Variants in CDH4 observed in about 807,000 individuals in gnomAD.
The protein encoded by CDH4 is cadherin-4.
Under a neutral mutation model 86.0 loss-of-function variants are expected in CDH4, and 33 were observed. The ratio of observed to expected loss-of-function variants is 0.38; its 90% CI spans 0.29 to 0.51. The LOEUF (loss-of-function observed/expected upper bound fraction) is 0.51, where lower values mean the gene tolerates loss of function less well. Among genes scored for constraint, CDH4 ranks in the 20% least tolerant of loss-of-function variants. CDH4 has a pLI of 0.86. For synonymous variants in CDH4, 555 were observed against 549.4 expected (o/e 1.01, Z -0.14); for missense variants, 1,114 against 1,307.4 (o/e 0.85, Z 2.28).
Position 61,518,790 on chromosome 20 carries a change from T to G in CDH4, c.170-224773T>G, listed in dbSNP as rs979224962. On this transcript the variant is annotated intron_variant, in intron 2 of 15. Transcript: ENST00000614565. This position sits in a 1 kb window ranked among gnomAD's most constrained non-coding sequence, Gnocchi z 6.3. ...CCATCATCCATCCTTTCATCCATCATTCATTCATCCATCCACCCATCATCC... is the reference window on the plus strand; with the variant it reads ...CCATCATCCATCCTTTCATCCATCAGTCATTCATCCATCCACCCATCATCC... Among the ~76,000 whole-genome samples, 3 of 151,620 alleles carry G rather than the reference T, an allele frequency of 2.0e-5. No homozygotes were observed. The highest frequency in any genetic ancestry group is 2.0e-4 in the Admixed American group (3 of 15,244).
At chr20:61,504,217 A>G (rs1402474495) in intron 2 of CDH4, among the ~76,000 whole-genome samples, 2 of 152,224 alleles carry the variant, frequency 1.3e-5, no homozygotes, top group Non-Finnish European at 2.9e-5. Flanking sequence ...GGCCGGCCAC[A>G]CACTGGGGCG....
chr20:61,758,457 G>A (rs1017690322), intron 3 of CDH4, among the ~76,000 whole-genome samples: 2 of 152,182 alleles, frequency 1.3e-5, no homozygotes, highest in Non-Finnish European at 2.9e-5. Flanking sequence ...CTGTCCTGAC[G>A]CAATCGGAGG....
chr20:61,536,362 G>T (rs2085997052), intron 2 of CDH4, among the ~76,000 whole-genome samples: 1 of 152,166 alleles, frequency 6.6e-6, no homozygotes, highest in South Asian at 2.1e-4. Context: ...GTGGTGGAAA[G>T]GAAGAGGCCG....
At chr20:61,487,814 G>A (rs1250123836) in intron 2 of CDH4, among the ~76,000 whole-genome samples, 4 of 152,210 alleles carry the variant, frequency 2.6e-5, no homozygotes, top group Non-Finnish European at 5.9e-5. Flanking sequence ...AGTCTGCTTC[G>A]TAATTGAAGT....
intron 6 of CDH4, among the ~76,000 whole-genome samples, chr20:61,872,215 C>T (rs1004860113): frequency 6.6e-6 from 1 of 152,182 alleles, no homozygotes; most frequent in Non-Finnish European, 1.5e-5. Flanking sequence ...ACAGCATGGA[C>T]CCAGCCCCGC....
chr20:61,589,858 C>T (rs1395025553), intron 2 of CDH4, among the ~76,000 whole-genome samples: 1 of 151,710 alleles, frequency 6.6e-6, no homozygotes, highest in African/African-American at 2.4e-5. Flanking sequence ...AGGTTCAGCC[C>T]CAGGGAGCTC....
intron 4 of CDH4, among the ~76,000 whole-genome samples, chr20:61,825,561 A>G (rs1445058564): frequency 1.3e-5 from 2 of 152,124 alleles, no homozygotes; most frequent in Admixed American, 6.5e-5. Context: ...GTTAATACTC[A>G]CCCAAACTTT....
chr20:61,524,208 A>G (rs903315142), intron 2 of CDH4, among the ~76,000 whole-genome samples: 10 of 152,154 alleles, frequency 6.6e-5, no homozygotes, highest in Non-Finnish European at 4.4e-5. Flanking sequence ...TTGCTATGGA[A>G]AGGTCCTGTT....
At chr20:61,616,229 T>C (rs1157840569) in intron 2 of CDH4, among the ~76,000 whole-genome samples, 1 of 152,198 alleles carries the variant, frequency 6.6e-6, no homozygotes, top group East Asian at 1.9e-4. Context: ...GGAGGTCCCA[T>C]TTGCAGGTTC....
intron 2 of CDH4, among the ~76,000 whole-genome samples, chr20:61,387,770 T>G (rs1277192708): frequency 6.6e-6 from 1 of 152,118 alleles, no homozygotes; most frequent in Non-Finnish European, 1.5e-5. Flanking sequence ...CACTCCACGG[T>G]GAAGCTTTTC....
chr20:61,662,197 C>T (rs1035260534), intron 2 of CDH4, among the ~76,000 whole-genome samples: 1 of 152,114 alleles, frequency 6.6e-6, no homozygotes, highest in African/African-American at 2.4e-5. Flanking sequence ...GTAGACCATG[C>T]TTTGAGGGAA....
chr20:61,769,676 G>A (rs2088751021), intron 3 of CDH4, among the ~76,000 whole-genome samples: 1 of 152,148 alleles, frequency 6.6e-6, no homozygotes, highest in Admixed American at 6.5e-5. Flanking sequence ...TGGGAATGAT[G>A]GTGCTCCCCG....
At chr20:61,318,635 A>C (rs561926536) in intron 2 of CDH4, among the ~76,000 whole-genome samples, 1 of 152,228 alleles carries the variant, frequency 6.6e-6, no homozygotes, top group Non-Finnish European at 1.5e-5. Flanking sequence ...GCCTGGAATC[A>C]GTGATACTCA....
chr20:61,751,395 A>G (rs2088493567), intron 3 of CDH4, among the ~76,000 whole-genome samples: 2 of 152,238 alleles, frequency 1.3e-5, no homozygotes, highest in South Asian at 4.1e-4. Context: ...GTCATTTTGA[A>G]GCAAAGATGA....
chr20:61,899,699 T>C (rs559529512), intron 8 of CDH4, among the ~76,000 whole-genome samples: 3 of 152,250 alleles, frequency 2.0e-5, no homozygotes, highest in East Asian at 1.9e-4. Flanking sequence ...ACTGCTGGGA[T>C]TACAGGTGTG....
intron 7 of CDH4, among the ~76,000 whole-genome samples, chr20:61,881,984 G>A (rs1032294800): frequency 2.6e-5 from 4 of 152,242 alleles, no homozygotes; most frequent in African/African-American, 7.2e-5. Context: ...GAGACCAGAC[G>A]ATAAGGCTAC....
At chr20:61,670,732 G>A (rs2145844738) in intron 2 of CDH4, among the ~76,000 whole-genome samples, 1 of 152,350 alleles carries the variant, frequency 6.6e-6, no homozygotes, top group South Asian at 2.1e-4. Context: ...ATTCTTATGG[G>A]TGGGGCCCAG....
At chr20:61,823,759 C>A (rs192918305) in intron 4 of CDH4, among the ~76,000 whole-genome samples, 4 of 152,276 alleles carry the variant, frequency 2.6e-5, no homozygotes, top group Admixed American at 2.6e-4. Flanking sequence ...TCTTTGGTAG[C>A]ACAAGAATAT....
chr20:61,338,196 C>T (rs2084629853), intron 2 of CDH4, among the ~76,000 whole-genome samples: 1 of 151,998 alleles, frequency 6.6e-6, no homozygotes, highest in Non-Finnish European at 1.5e-5. Flanking sequence ...CTTCATTGTT[C>T]AACTATTCAT....
Sources: gnomAD v4.1 joint callset for allele counts (sites outside exome capture counted in the v4.1 genomes callset) on GRCh38, gnomAD v4.1.1 for gene constraint, Gnocchi (gnomAD v3.1) non-coding constraint, MANE v1.5 for transcripts, NCBI Gene and HGNC (gene_info 2026-07-23, HGNC 2026-07-21) for gene names.